Variants in COG5 observed in about 807,000 individuals in gnomAD.
COG5 encodes the protein conserved oligomeric Golgi complex subunit 5.
A neutral mutation model predicts 110.4 loss-of-function variants in COG5; 86 were observed. The ratio of observed to expected loss-of-function variants is 0.78; its 90% CI spans 0.65 to 0.93. The LOEUF is 0.93. COG5 is among the 40% of genes least tolerant of loss of function. The pLI is 0.00. For synonymous variants in COG5, 360 were observed against 334.6 expected (o/e 1.08, Z -0.83); for missense variants, 1,077 against 987.0 (o/e 1.09, Z -1.22).
At chr7:107,549,926 T>C (rs1258114230) in intron 3 of COG5, among the ~76,000 whole-genome samples, 1 of 152,160 alleles carries the variant, frequency 6.6e-6, no homozygotes, top group Non-Finnish European at 1.5e-5. Context: ...CACACACATA[T>C]ACAGACGTAT....
intron 16 of COG5, among the ~76,000 whole-genome samples, chr7:107,250,730 G>A (rs1213147852): frequency 6.6e-6 from 1 of 152,030 alleles, no homozygotes; most frequent in African/African-American, 2.4e-5. Context: ...AATTATAGTA[G>A]CTGAAATTGT....
At chr7:107,410,140 G>C (rs1037291159) in intron 7 of COG5, among the ~76,000 whole-genome samples, 7 of 152,166 alleles carry the variant, frequency 4.6e-5, no homozygotes, top group Non-Finnish European at 1.0e-4. Flanking sequence ...GAAAGGCAAG[G>C]GTGAAATAAT....
chr7:107,389,209 C>T (rs188344227), intron 7 of COG5, among the ~76,000 whole-genome samples: 1 of 152,208 alleles, frequency 6.6e-6, no homozygotes, highest in Non-Finnish European at 1.5e-5. Flanking sequence ...GATAGATTTA[C>T]CCCCAGTGGG....
intron 8 of COG5, among the ~76,000 whole-genome samples, chr7:107,368,496 G>T (rs968692061): frequency 6.6e-6 from 1 of 152,114 alleles, no homozygotes; most frequent in Non-Finnish European, 1.5e-5. Context: ...CAGGTTTCTG[G>T]ATCGCTGGTT....
intron 2 of COG5, 110 bp downstream of exon 2, chr7:107,557,862 GGTAA>G: frequency 1.5e-6 from 2 of 1,330,182 alleles, no homozygotes; most frequent in Non-Finnish European, 2.1e-6. Flanking sequence ...AAGTCACACT[GGTAA>G]GTATGTACTT....
intron 10 of COG5, among the ~76,000 whole-genome samples, chr7:107,352,085 T>G (rs1333604171): frequency 2.1e-5 from 3 of 145,270 alleles, no homozygotes; most frequent in African/African-American, 7.5e-5. Flanking sequence ...ATAGACTGGA[T>G]TAAGAAAATG....
intron 1 of COG5, among the ~76,000 whole-genome samples, chr7:107,560,147 T>C (rs6957186): frequency 0.13 from 19,084 of 152,236 alleles, 1,496 homozygotes; most frequent in Non-Finnish European, 0.17. Flanking sequence ...TGTGAGCCAG[T>C]TGACCTTTCA....
chr7:107,251,493 T>C (rs1802498019), intron 16 of COG5, among the ~76,000 whole-genome samples: 1 of 152,098 alleles, frequency 6.6e-6, no homozygotes, highest in African/African-American at 2.4e-5. Context: ...AACTTGCTTT[T>C]ACTTAAAAAA....
intron 5 of COG5, among the ~76,000 whole-genome samples, chr7:107,540,188 T>C (rs866421978): frequency 3.9e-5 from 6 of 152,122 alleles, no homozygotes; most frequent in Non-Finnish European, 5.9e-5. Context: ...AAAGAAACAC[T>C]GAAACAACAG....
chr7:107,305,943 GAAGAA>G (rs1257750775), intron 11 of COG5, among the ~76,000 whole-genome samples: 1 of 152,088 alleles, frequency 6.6e-6, no homozygotes, highest in Non-Finnish European at 1.5e-5. Flanking sequence ...CTATATTTAA[GAAGAA>G]AAGATTACAA....
intron 10 of COG5, among the ~76,000 whole-genome samples, chr7:107,343,569 T>C (rs563322161): frequency 2.4e-4 from 37 of 152,118 alleles, no homozygotes; most frequent in African/African-American, 8.4e-4. Flanking sequence ...CAGTCCCAGC[T>C]ACTTGGGAAG....
intron 7 of COG5, among the ~76,000 whole-genome samples, chr7:107,382,366 G>A (rs970802817): frequency 6.6e-6 from 1 of 152,164 alleles, no homozygotes; most frequent in Non-Finnish European, 1.5e-5. Context: ...GGCCTATGTA[G>A]AAATAATTAT....
At chr7:107,340,500 A>T (rs1246262434) in intron 10 of COG5, among the ~76,000 whole-genome samples, 1 of 152,174 alleles carries the variant, frequency 6.6e-6, no homozygotes, top group Non-Finnish European at 1.5e-5. Context: ...CCCCTAAAAA[A>T]AATTGAGGGA....
intron 5 of COG5, among the ~76,000 whole-genome samples, chr7:107,541,523 A>ATAT (rs923191098): frequency 5.1e-4 from 29 of 56,966 alleles, no homozygotes; most frequent in South Asian, 9.9e-4. Context: ...AAAAAAAAAA[A>ATAT]ATATATATAT....
At chr7:107,548,646 T>C (rs1375705420) in intron 3 of COG5, among the ~76,000 whole-genome samples, 1 of 152,234 alleles carries the variant, frequency 6.6e-6, no homozygotes, top group Non-Finnish European at 1.5e-5. Flanking sequence ...ACTGTAAATG[T>C]ACTTAATGCC....
chr7:107,286,420 G>A (rs67693230), intron 12 of COG5, among the ~76,000 whole-genome samples: 1 of 151,934 alleles, frequency 6.6e-6, no homozygotes, highest in Non-Finnish European at 1.5e-5. Context: ...ATCATTTCAA[G>A]GTGCTCTCAT....
chr7:107,299,198 TGAACCA>T lies in COG5; in HGVS notation c.1109-858_1109-853del, dbSNP rs1170289583. On this transcript the variant is annotated intron_variant, in intron 11 of 21. Coordinates refer to ENST00000297135, the MANE Select transcript of COG5 (RefSeq NM_006348.5). ...ATAAAGCTCTGAGAACAGATATCAA[TGAACCA>T]GAAAATGAAAACAAGAAATATTGAA... Among the ~76,000 whole-genome samples the T allele has an allele frequency of 3.3e-5, 5 of 152,132 alleles. No individual in the cohort carries two copies. In the South Asian group the frequency reaches 6.2e-4, roughly 19 times the overall value.
chr7:107,357,504 A>C (rs987870812), intron 10 of COG5, among the ~76,000 whole-genome samples: 3 of 152,316 alleles, frequency 2.0e-5, no homozygotes, highest in Non-Finnish European at 4.4e-5. Context: ...ATATATTCTT[A>C]AATAGCGTGA....
At chr7:107,551,768 C>T (rs1802906013) in intron 3 of COG5, among the ~76,000 whole-genome samples, 1 of 152,104 alleles carries the variant, frequency 6.6e-6, no homozygotes, top group African/African-American at 2.4e-5. Context: ...GAAACATGCA[C>T]CACCACGCCA....
Sources: allele counts gnomAD v4.1 joint callset (sites outside exome capture counted in the v4.1 genomes callset), GRCh38; gene constraint gnomAD v4.1.1; transcripts MANE v1.5; gene names NCBI Gene and HGNC (gene_info 2026-07-23, HGNC 2026-07-21).